The following RAB3C variants were observed in gnomAD, a reference collection of about 807,000 sequenced individuals.
RAB3C encodes the protein ras-related protein Rab-3C.
RAB3C carries 17 observed loss-of-function variants against 26.4 expected under a neutral mutation model. The observed-to-expected ratio is 0.64, with a 90% CI of 0.44 to 0.97. The LOEUF (loss-of-function observed/expected upper bound fraction) is 0.97. Among genes scored for constraint, RAB3C ranks in the 50% least tolerant of loss-of-function variants. The pLI, the probability that RAB3C is intolerant of heterozygous loss-of-function variation, is 0.00. For synonymous variants in RAB3C, 91 were observed against 95.9 expected, an observed-to-expected ratio of 0.95 and a Z score of 0.30; for missense variants, 242 against 281.9, an observed-to-expected ratio of 0.86 and a Z score of 1.01.
At chr5:58,781,185 A>T (rs1437684176) in intron 3 of RAB3C, among the ~76,000 whole-genome samples, 1 of 152,092 alleles carries the variant, frequency 6.6e-6, no homozygotes, top group Non-Finnish European at 1.5e-5. Flanking sequence ...ATACTCATAG[A>T]TGCTCATCAG....
chr5:58,647,348 A>G (rs1179939394), intron 2 of RAB3C, among the ~76,000 whole-genome samples: 3 of 152,168 alleles, frequency 2.0e-5, no homozygotes, highest in Non-Finnish European at 4.4e-5. Flanking sequence ...ACCTTCTCAC[A>G]TGGGAGCAGG....
intron 3 of RAB3C, among the ~76,000 whole-genome samples, chr5:58,799,001 G>A (rs1334811022): frequency 6.6e-6 from 1 of 152,170 alleles, no homozygotes; most frequent in Non-Finnish European, 1.5e-5. Flanking sequence ...GTAATAATGT[G>A]TGCTCCTTAA....
At chr5:58,702,757 A>G (rs1469008995) in intron 2 of RAB3C, among the ~76,000 whole-genome samples, 3 of 152,188 alleles carry the variant, frequency 2.0e-5, no homozygotes, top group Non-Finnish European at 4.4e-5. Context: ...GAAAAATTTG[A>G]AAATACAGAA....
At chr5:58,657,433 G>A (rs963297620) in intron 2 of RAB3C, among the ~76,000 whole-genome samples, 4 of 151,918 alleles carry the variant, frequency 2.6e-5, no homozygotes, top group African/African-American at 9.7e-5. Flanking sequence ...TTTCCAAAGA[G>A]ATGACATTTG....
chr5:58,762,603 G>A lies in RAB3C; in HGVS notation c.371+36483G>A, dbSNP rs183075617. Among the ~76,000 whole-genome samples the A allele has an allele frequency of 3.9e-5, 6 of 152,286 alleles. No homozygotes were observed. The East Asian group carries it at 1.2e-3, about 29-fold the overall frequency. ...AGCTACTTGGGAAGCTGAGGCAGAA[G>A]AATCCTTTGAACCTGGGAGGCAGAG... On this transcript the variant is annotated intron_variant, in intron 3 of 4. Transcript: ENST00000282878.
chr5:58,633,083 A>G (rs563223127), intron 2 of RAB3C, among the ~76,000 whole-genome samples: 13 of 152,274 alleles, frequency 8.5e-5, no homozygotes, highest in Non-Finnish European at 5.9e-5. Flanking sequence ...TTTTTATGTC[A>G]TGGAGTCATG....
intron 3 of RAB3C, among the ~76,000 whole-genome samples, chr5:58,729,488 G>T (rs537867255): frequency 6.6e-6 from 1 of 151,700 alleles, no homozygotes; most frequent in South Asian, 2.1e-4. Context: ...GCTCATATAA[G>T]TGGAATCATG....
intron 1 of RAB3C, among the ~76,000 whole-genome samples, chr5:58,592,343 A>C (rs1283571305): frequency 1.3e-5 from 2 of 152,198 alleles, no homozygotes; most frequent in Non-Finnish European, 2.9e-5. Flanking sequence ...TTTTGCTATG[A>C]TATAATTTCA....
chr5:58,596,778 A>G (rs1361448961), intron 1 of RAB3C, among the ~76,000 whole-genome samples: 1 of 104,644 alleles, frequency 9.6e-6, no homozygotes, highest in Non-Finnish European at 1.7e-5. Context: ...AATATATAAT[A>G]CATAATATAT....
chr5:58,823,058 G>A (rs1350479659), intron 3 of RAB3C: 2 of 543,914 alleles, frequency 3.7e-6, no homozygotes, highest in African/African-American at 1.9e-5. Context: ...CCCTGCTTGT[G>A]ATTCTGAAAG....
chr5:58,674,454 G>A (rs1025457139), intron 2 of RAB3C, among the ~76,000 whole-genome samples: 1 of 152,184 alleles, frequency 6.6e-6, no homozygotes, highest in African/African-American at 2.4e-5. Context: ...ATGCCACTTG[G>A]AAAGTTTTTC....
chr5:58,634,542 T>G (rs1025749668), intron 2 of RAB3C, among the ~76,000 whole-genome samples: 1 of 152,214 alleles, frequency 6.6e-6, no homozygotes, highest in Non-Finnish European at 1.5e-5. Context: ...ACACAGAACC[T>G]CATAAATGGT....
intron 2 of RAB3C, among the ~76,000 whole-genome samples, chr5:58,653,198 C>T (rs1747695267): frequency 6.6e-6 from 1 of 152,038 alleles, no homozygotes; most frequent in Non-Finnish European, 1.5e-5. Context: ...TTGTTCAACT[C>T]CCACTTATGA....
chr5:58,719,237 A>C (rs532978856), intron 2 of RAB3C, among the ~76,000 whole-genome samples: 8 of 152,182 alleles, frequency 5.3e-5, no homozygotes, highest in African/African-American at 1.9e-4. Context: ...AATAAGAGAG[A>C]AATAGATATC....
chr5:58,787,091 A>G (rs1165701993), intron 3 of RAB3C, among the ~76,000 whole-genome samples: 2 of 152,190 alleles, frequency 1.3e-5, no homozygotes, highest in African/African-American at 2.4e-5. Context: ...TGGCAGCCCC[A>G]CAACAGCACG....
intron 2 of RAB3C, among the ~76,000 whole-genome samples, chr5:58,702,252 T>C (rs1192512304): frequency 6.6e-6 from 1 of 152,224 alleles, no homozygotes; most frequent in Admixed American, 6.5e-5. Context: ...ATGCTGTCCG[T>C]GACCCATTTC....
intron 1 of RAB3C, among the ~76,000 whole-genome samples, chr5:58,599,386 A>G (rs1460372858): frequency 6.6e-6 from 1 of 152,064 alleles, no homozygotes; most frequent in Non-Finnish European, 1.5e-5. Context: ...CTACATCTGA[A>G]TCTAGTCCTG....
chr5:58,748,643 AGAAAT>A (rs987061103), intron 3 of RAB3C, among the ~76,000 whole-genome samples: 31 of 152,144 alleles, frequency 2.0e-4, no homozygotes, highest in African/African-American at 7.5e-4. Flanking sequence ...TCTCCCTTCC[AGAAAT>A]GAAATATATA....
chr5:58,628,781 C>T (rs761538031), intron 2 of RAB3C, among the ~76,000 whole-genome samples: 56 of 152,076 alleles, frequency 3.7e-4, no homozygotes, highest in African/African-American at 1.2e-3. Context: ...GGGTGCCTTC[C>T]GCCTTGCCAG....
Sources: allele counts gnomAD v4.1 joint callset (sites outside exome capture counted in the v4.1 genomes callset), GRCh38; gene constraint gnomAD v4.1.1; transcripts MANE v1.5; gene names NCBI Gene and HGNC (gene_info 2026-07-23, HGNC 2026-07-21).